PIF1: variants seen among roughly 807,000 people sequenced by gnomAD.
PIF1 encodes the protein ATP-dependent DNA helicase PIF1.
In PIF1, 67 loss-of-function variants were observed where a neutral mutation model predicts 62.3. That is an observed-to-expected ratio of 1.08 (90% CI 0.88 to 1.32). The LOEUF (loss-of-function observed/expected upper bound fraction) is 1.32. Ranked by LOEUF, PIF1 falls within the 40% of genes most tolerant of loss-of-function variation. The pLI, the probability that PIF1 is intolerant of heterozygous loss-of-function variation, is 0.00. For synonymous variants in PIF1, 364 were observed against 379.5 expected, an observed-to-expected ratio of 0.96 and a Z score of 0.47; for missense variants, 886 against 866.1, an observed-to-expected ratio of 1.02 and a Z score of -0.29.
Position 64,815,682 on chromosome 15 carries a change from A to G in PIF1, c.*616T>C. The G allele has an allele frequency of 1.9e-6, 3 of 1,543,826 alleles. No homozygotes were observed. Among genetic ancestry groups the G allele is most frequent in the Non-Finnish European group, 2.6e-6 (3 of 1,143,574 alleles). ...TGTCCGAAATAAATACAACCTGAGA[A>G]CATCCATTTCAATGTCCCCAAACAC... On this transcript the variant is annotated 3_prime_UTR_variant, in exon 13 of 13. Coordinates refer to ENST00000559239, the MANE Select transcript of PIF1 (RefSeq NM_001286496.2).
At chr15:64,826,437 C>T (rs2141120527), upstream of PIF1, among the ~76,000 whole-genome samples, 1 of 150,576 alleles carries the variant, frequency 6.6e-6, no homozygotes, top group East Asian at 2.0e-4. Context: ...CTTTCCTTTC[C>T]TTTTTCCTTC....
chr15:64,821,565 CTTTTTTTTT>C (rs56305637), intron 4 of PIF1, 45 bp from the exon 5 acceptor site: 755 of 1,247,704 alleles, frequency 6.1e-4, no homozygotes, highest in Admixed American at 8.5e-4. Context: ...CAAAGCCTCT[CTTTTTTTTT>C]TTTTTTTTTT....
At chr15:64,817,418 C>T (rs1450327416) in intron 11 of PIF1, among the ~76,000 whole-genome samples, 3 of 151,928 alleles carry the variant, frequency 2.0e-5, no homozygotes, top group Non-Finnish European at 2.9e-5. Context: ...TGGTGGCGGC[C>T]GCCTGTAGCC....
intron 7 of PIF1, among the ~76,000 whole-genome samples, chr15:64,820,684 C>T (rs1404620270): frequency 2.6e-5 from 4 of 152,192 alleles, no homozygotes; most frequent in Admixed American, 6.5e-5. Context: ...CGTGAGCCAC[C>T]GTGCCCAGCC....
upstream of PIF1, among the ~76,000 whole-genome samples, chr15:64,826,639 T>C (rs1238568597): frequency 7.9e-5 from 2 of 25,314 alleles, no homozygotes; most frequent in Non-Finnish European, 1.8e-4. Context: ...TATATATATA[T>C]ATATATATAT....
At chr15:64,823,460 C>T in intron 2 of PIF1, 1 of 220,710 alleles carries the variant, frequency 4.5e-6, no homozygotes, top group Non-Finnish European at 8.8e-6. Flanking sequence ...GTTGGCCAGG[C>T]TGGCCTCAGA....
At chr15:64,826,667 C>CACAT (rs1555435299), upstream of PIF1, among the ~76,000 whole-genome samples, 3 of 66,566 alleles carry the variant, frequency 4.5e-5, no homozygotes, top group African/African-American at 2.4e-4. Context: ...TATATATATA[C>CACAT]ACACACACAC....
At chr15:64,820,105 C>G in intron 7 of PIF1, 119 bp from the exon 8 acceptor site, 1 of 1,313,746 alleles carries the variant, frequency 7.6e-7, no homozygotes, top group Non-Finnish European at 1.0e-6. Context: ...AAGAGGGCAC[C>G]AGGGAAGAGT....
Position 64,816,033 on chromosome 15 carries a change from G to A in PIF1, c.*265C>T. The A allele has an allele frequency of 2.0e-6, 3 of 1,471,702 alleles. No homozygotes were observed. Among genetic ancestry groups the A allele is most frequent in the South Asian group, 1.4e-5 (1 of 71,032 alleles). 91.2% of individuals were successfully genotyped at this position (1,471,702 alleles called of 1,614,324 possible). A position where few individuals can be genotyped will look rare whatever the true frequency, so the allele number is the denominator to read the frequency against. Reference sequence around the variant, plus strand: ...GTCCTCTGACATCAGCTACCACACAGGCTCATTCTCAACTGGCACAGAAAG... The same window carrying A: ...GTCCTCTGACATCAGCTACCACACAAGCTCATTCTCAACTGGCACAGAAAG... On this transcript the variant is annotated 3_prime_UTR_variant, in exon 13 of 13. Coordinates refer to ENST00000559239, the MANE Select transcript of PIF1 (RefSeq NM_001286496.2).
rs774525301 is a variant in PIF1, at chr15:64,816,689, C to T, written c.1751G>A (p.Arg584Gln). The T allele has an allele frequency of 1.6e-5, 26 of 1,613,520 alleles. No individual in the cohort carries two copies. The highest frequency in any genetic ancestry group is 6.7e-5 in the East Asian group (3 of 44,886). The change falls in exon 12 of 13, where the codon CGG becomes CAG. Residue 584 changes from arginine (R) to glutamine (Q), a missense_variant. Coordinates refer to ENST00000559239, the MANE Select transcript of PIF1 (RefSeq NM_001286496.2). ...ACGTAGGCCCTGCAGGCTGCGGGCCCGAGAAAGGGCCACATAGGCCTGGCC... is the reference window on the plus strand; with the variant it reads ...ACGTAGGCCCTGCAGGCTGCGGGCCTGAGAAAGGGCCACATAGGCCTGGCC... ...ASGQAYVALS[R>Q]ARSLQGLRVL...
Position 64,819,993 on chromosome 15 carries a change from G to T in PIF1, c.1194-7C>A. 1 of 1,612,576 alleles carries T rather than the reference G, an allele frequency of 6.2e-7. No homozygotes were observed. On this transcript the variant is annotated splice_region_variant and splice_polypyrimidine_tract_variant and intron_variant, in intron 7 of 12. Transcript: ENST00000559239. The stretch of plus-strand genomic sequence containing the variant: ...GGTCACCTCATCTGAACACCTGTTG[G>T]GGCTGGACTGTCAGGGCAGAGCCCA...
chr15:64,820,685 G>A (rs762902476), intron 7 of PIF1, among the ~76,000 whole-genome samples: 25 of 152,200 alleles, frequency 1.6e-4, no homozygotes, highest in South Asian at 4.1e-4. Context: ...GTGAGCCACC[G>A]TGCCCAGCCC....
Position 64,821,474 on chromosome 15 carries a change from G to C in PIF1, c.864C>G (p.Ala288=). ...QAPLAQCVAL[A]QRPGVRQGWL... ...AGCCCTGCCGCACGCCTGGCCTTTG[G>C]GCCAGGGCCACACACTGGGCTAGAG... is the stretch of plus-strand genomic sequence containing the variant. The change falls in exon 5 of 13, where the codon GCC becomes GCG. Residue 288 remains alanine, a synonymous_variant. Transcript: ENST00000559239. 6.2e-7 allele frequency: 1 copy of C among 1,613,950 alleles called. No individual in the cohort carries two copies. Among genetic ancestry groups the C allele is most frequent in the Non-Finnish European group, 8.5e-7 (1 of 1,180,002 alleles).
rs1248892873 is a variant in PIF1, at chr15:64,825,569, C to T, written c.-20G>A. The T allele has an allele frequency of 6.6e-6, 1 of 152,188 alleles. No homozygotes were observed. The highest frequency in any genetic ancestry group is 1.5e-5 in the Non-Finnish European group (1 of 68,036). The allele number at this position is 152,188 out of a possible 1,614,324, so 9.4% of individuals were successfully genotyped here. On this transcript the variant is annotated splice_region_variant and 5_prime_UTR_variant, in exon 1 of 13. Transcript: ENST00000559239. ...ATAAATCAGGCTCTTTGCTCCCCAC[C>T]TCTGGGTTCGGGCAGACACTCACTT... is the stretch of plus-strand genomic sequence containing the variant.
intron 9 of PIF1, 27 bp downstream of exon 9, chr15:64,819,089 CA>C: frequency 6.5e-7 from 1 of 1,537,100 alleles, no homozygotes; most frequent in Non-Finnish European, 8.7e-7. Context: ...CCCAAGCTCC[CA>C]GGGGCTAGGC....
At chr15:64,816,473 T>C in intron 12 of PIF1, 101 bp downstream of exon 12, 1 of 1,592,852 alleles carries the variant, frequency 6.3e-7, no homozygotes, top group Non-Finnish European at 8.6e-7. Flanking sequence ...AGCAGAGGGC[T>C]TTTCTGCCCC....
upstream of PIF1, among the ~76,000 whole-genome samples, chr15:64,826,193 A>G: frequency 6.6e-6 from 1 of 151,460 alleles, no homozygotes; most frequent in African/African-American, 2.4e-5. Flanking sequence ...GAGGCCCATG[A>G]GTGAGAAACT....
chr15:64,822,686 A>G (rs2084308928), intron 2 of PIF1, 76 bp from the exon 3 acceptor site: 1 of 1,586,996 alleles, frequency 6.3e-7, no homozygotes, highest in Non-Finnish European at 8.6e-7. Context: ...GCCCATGTGC[A>G]ATGCTGGGCC....
Position 64,822,315 on chromosome 15 carries a change from A to G in PIF1, c.768T>C (p.Thr256=). 3 of 1,611,570 alleles carry G rather than the reference A, an allele frequency of 1.9e-6. No individual in the cohort carries two copies. Among genetic ancestry groups the G allele is most frequent in the Non-Finnish European group, 2.5e-6 (3 of 1,179,810 alleles). Residue 256 remains threonine (T), a synonymous_variant, in exon 4 of 13, where the codon ACT becomes ACC. Transcript: ENST00000559239. ...CCCCGATGTGGCAGGCTGCCACCCC[A>G]GTGCTGGCAGTGGCCACAGTGCCTG... The part of the protein sequence containing the change: ...PPTGTVATAS[T]GVAACHIGGT...
Sources: gnomAD v4.1 joint callset for allele counts (sites outside exome capture counted in the v4.1 genomes callset) on GRCh38, gnomAD v4.1.1 for gene constraint, MANE v1.5 for transcripts, NCBI Gene and HGNC (gene_info 2026-07-23, HGNC 2026-07-21) for gene names.